The following KLHL13 variants were observed in gnomAD, a reference collection of about 807,000 sequenced individuals.
KLHL13 encodes kelch like family member 13.
Under a neutral mutation model 37.1 loss-of-function variants are expected in KLHL13, and 10 were observed. The ratio of observed to expected loss-of-function variants is 0.27; its 90% confidence interval spans 0.17 to 0.46. The LOEUF (loss-of-function observed/expected upper bound fraction) is 0.46, where lower values mean the gene tolerates loss of function less well. Ranked by LOEUF, KLHL13 falls within the 20% of genes least tolerant of loss-of-function variation. The probability of loss-of-function intolerance (pLI) is 1.00; values close to 1 mark genes in which losing one functional copy is unlikely to be tolerated. For synonymous variants in KLHL13, 163 were observed against 181.2 expected (o/e 0.90, Z 0.81); for missense variants, 360 against 509.3 (o/e 0.71, Z 2.82).
intron 1 of KLHL13, among the ~76,000 whole-genome samples, chrX:118,110,906 C>T (rs1377654335): frequency 1.8e-5 from 2 of 111,753 alleles, no homozygotes; most frequent in African/African-American, 3.3e-5. Flanking sequence ...TACTAACAGA[C>T]GAGTCTTGGC....
intron 1 of KLHL13, among the ~76,000 whole-genome samples, chrX:118,054,131 C>T (rs2054660468): frequency 9.0e-6 from 1 of 111,120 alleles, no homozygotes; most frequent in Admixed American, 9.6e-5. Flanking sequence ...TTAAAGCTTT[C>T]AATTTGGGAT....
intron 1 of KLHL13, among the ~76,000 whole-genome samples, chrX:117,979,978 A>T (rs2053642469): frequency 1.8e-5 from 2 of 112,147 alleles, no homozygotes; most frequent in African/African-American, 6.5e-5. Context: ...TTATCAAAAT[A>T]AAAAGCCACT....
Position 118,031,498 on chromosome X carries a change from TATATATATATACACAC to T in KLHL13, c.-56+84994_-56+85009del, listed in dbSNP as rs1569297268. On this transcript the variant is annotated intron_variant, in intron 1 of 6. Coordinates refer to the KLHL13 transcript ENST00000371882. ...ATATATATAGATATATATATTTAGA[TATATATATATACACAC>T]ACATATATATTTAGTTATATATATA... Among the ~76,000 whole-genome samples, 46 of 92,060 alleles carry T rather than the reference TATATATATATACACAC, an allele frequency of 5.0e-4. 1 individual carries two copies. Among genetic ancestry groups the T allele is most frequent in the African/African-American group, 2.0e-3 (44 of 22,191 alleles). 79.9% of individuals were successfully genotyped at this position (92,060 alleles called of 115,157 possible).
At chrX:117,949,996 A>C (rs1173589889) in intron 1 of KLHL13, among the ~76,000 whole-genome samples, 1 of 112,597 alleles carries the variant, frequency 8.9e-6, no homozygotes, top group Non-Finnish European at 1.9e-5. Flanking sequence ...TAATTTCTGA[A>C]GGGAAAAAAG....
intron 1 of KLHL13, among the ~76,000 whole-genome samples, chrX:118,071,901 T>C (rs978769225): frequency 2.8e-5 from 3 of 107,701 alleles, no homozygotes; most frequent in Admixed American, 1.0e-4. Context: ...ATGGCCATAC[T>C]GCCCAAGGTA....
At chrX:117,926,115 T>G (rs1257269895) in intron 2 of KLHL13, among the ~76,000 whole-genome samples, 1 of 112,158 alleles carries the variant, frequency 8.9e-6, no homozygotes, top group Non-Finnish European at 1.9e-5. Flanking sequence ...GTAAGAGAGA[T>G]TCGATTTACA....
intron 1 of KLHL13, among the ~76,000 whole-genome samples, chrX:117,963,325 G>C (rs2053337976): frequency 9.0e-6 from 1 of 111,651 alleles, no homozygotes; most frequent in South Asian, 3.8e-4. Context: ...TTCAATCTTA[G>C]AGTTTGAGAT....
chrX:118,021,687 T>C (rs761345938), intron 1 of KLHL13, among the ~76,000 whole-genome samples: 3,906 of 108,885 alleles, frequency 0.036, 287 homozygotes, highest in African/African-American at 0.13. Context: ...GTGAATAGTG[T>C]CGCAATAAAC....
chrX:118,059,611 T>C (rs2054720430), intron 1 of KLHL13, among the ~76,000 whole-genome samples: 1 of 111,723 alleles, frequency 9.0e-6, no homozygotes, highest in Non-Finnish European at 1.9e-5. Context: ...TCAATACCAG[T>C]AGTACAAATA....
At chrX:118,027,114 AG>A (rs2054282555) in intron 1 of KLHL13, among the ~76,000 whole-genome samples, 1 of 111,657 alleles carries the variant, frequency 9.0e-6, no homozygotes, top group Admixed American at 9.5e-5. Context: ...GATTTTCAGA[AG>A]GGCCAAAGGA....
chrX:117,987,197 T>C (rs747059951), intron 1 of KLHL13, among the ~76,000 whole-genome samples: 3 of 110,867 alleles, frequency 2.7e-5, no homozygotes, highest in East Asian at 5.7e-4. Flanking sequence ...TTTGGAAAAA[T>C]AGAGCTGTAA....
intron 1 of KLHL13, among the ~76,000 whole-genome samples, chrX:118,086,391 A>C (rs1363888421): frequency 8.9e-6 from 1 of 111,808 alleles, no homozygotes; most frequent in African/African-American, 3.2e-5. Context: ...CCAACAGTAT[A>C]TAGGCATTCA....
intron 5 of KLHL13, among the ~76,000 whole-genome samples, chrX:117,906,465 T>C (rs1014474985): frequency 2.7e-5 from 3 of 111,449 alleles, no homozygotes; most frequent in Non-Finnish European, 3.8e-5. Context: ...ATACAGGATG[T>C]GACGTGACAA....
intron 1 of KLHL13, among the ~76,000 whole-genome samples, chrX:117,964,512 T>C (rs185462389): frequency 8.9e-6 from 1 of 112,469 alleles, no homozygotes; most frequent in Admixed American, 9.4e-5. Flanking sequence ...AGCAGAGTTA[T>C]GCCTGGCACA....
rs1200810238 is a variant in KLHL13 at position 118,028,033 on chromosome X, T to C, written c.-55-82458A>G. Among the ~76,000 whole-genome samples the C allele has an allele frequency of 2.7e-5, 3 of 111,976 alleles. No homozygotes were observed. In the Admixed American group the frequency reaches 2.9e-4, roughly 11 times the overall value. ...AGGTTTTAACTGGATTTTTAAATAA[T>C]ATAAATATATACAATCACAGGACAA... On this transcript the variant is annotated intron_variant, in intron 1 of 6. Coordinates refer to the KLHL13 transcript ENST00000371882.
intron 1 of KLHL13, among the ~76,000 whole-genome samples, chrX:118,044,705 C>A (rs752693755): frequency 3.6e-5 from 4 of 111,854 alleles, no homozygotes; most frequent in Admixed American, 9.4e-5. Flanking sequence ...TGAAAGTAGA[C>A]CCCTATCTCT....
intron 1 of KLHL13, among the ~76,000 whole-genome samples, chrX:118,082,599 T>C (rs1168943022): frequency 1.8e-5 from 2 of 111,628 alleles, no homozygotes; most frequent in African/African-American, 3.2e-5. Flanking sequence ...AGAAGCTTTC[T>C]AGTTTGATGT....
At chrX:117,923,009 G>A (rs753932626) in intron 2 of KLHL13, among the ~76,000 whole-genome samples, 1 of 111,836 alleles carries the variant, frequency 8.9e-6, no homozygotes, top group Non-Finnish European at 1.9e-5. Flanking sequence ...AGATAACACA[G>A]ATAGTCTTCT....
rs181151017 is a variant in KLHL13, at chrX:118,090,183, A to C, written c.-56+26325T>G. ...AATGTTAGACCTAAAACCATAAAAA[A>C]CCCTAGAAGAAAACCTAGGCAATAC... On this transcript the variant is annotated intron_variant, in intron 1 of 6. Coordinates refer to the KLHL13 transcript ENST00000371882. Among the ~76,000 whole-genome samples, 1,000 of 110,551 alleles carry C rather than the reference A, an allele frequency of 9.0e-3. 13 individuals are homozygous for C. The highest frequency in any genetic ancestry group is 0.031 in the African/African-American group (945 of 30,472).
Sources: allele counts gnomAD v4.1 joint callset (sites outside exome capture counted in the v4.1 genomes callset), GRCh38; gene constraint gnomAD v4.1.1; transcripts MANE v1.5; gene names NCBI Gene and HGNC (gene_info 2026-07-23, HGNC 2026-07-21).